Variants in SLC24A2 observed in about 807,000 individuals in gnomAD.
SLC24A2 encodes sodium/potassium/calcium exchanger 2.
Under a neutral mutation model 62.0 loss-of-function variants are expected in SLC24A2, and 36 were observed. The observed-to-expected ratio is 0.58, with a 90% CI of 0.44 to 0.77. SLC24A2 has a LOEUF of 0.77. Among genes scored for constraint, SLC24A2 ranks in the 30% least tolerant of loss-of-function variants. The pLI, the probability that SLC24A2 is intolerant of heterozygous loss-of-function variation, is 0.00. For synonymous variants in SLC24A2, 358 were observed against 294.0 expected (o/e 1.22, Z -2.23); for missense variants, 846 against 817.9 (o/e 1.03, Z -0.42).
At chr9:19,706,531 C>T (rs2118564074) in intron 2 of SLC24A2, among the ~76,000 whole-genome samples, 1 of 152,174 alleles carries the variant, frequency 6.6e-6, no homozygotes, top group Non-Finnish European at 1.5e-5. Flanking sequence ...AGGCACGCGC[C>T]ACCATGCCCG....
At chr9:19,615,840 T>C (rs917680639) in intron 4 of SLC24A2, among the ~76,000 whole-genome samples, 1 of 152,064 alleles carries the variant, frequency 6.6e-6, no homozygotes, top group Admixed American at 6.6e-5. Context: ...CTAGATTCAC[T>C]TTCCCTTATC....
the SLC24A2 span, among the ~76,000 whole-genome samples, chr9:19,920,524 G>T: frequency 6.6e-6 from 1 of 152,130 alleles, no homozygotes; most frequent in Non-Finnish European, 1.5e-5. Context: ...ACAGGGGAGG[G>T]AAGCAAACCA....
the SLC24A2 span, among the ~76,000 whole-genome samples, chr9:20,094,858 T>G: frequency 2.0e-5 from 3 of 152,298 alleles, no homozygotes; most frequent in Non-Finnish European, 4.4e-5. Context: ...TGGATTTTTC[T>G]GCAACTAAGT....
chr9:19,689,679 C>T lies in SLC24A2; in HGVS notation c.931-67380G>A, dbSNP rs575410040. ...CCATGTCCAATGTGTAAGGCCCTCA[C>T]CTGGATCTGATATTTTCTCCTGCCC... On this transcript the variant is annotated intron_variant, in intron 2 of 10. Transcript: ENST00000341998. 3.3e-5 allele frequency among the ~76,000 whole-genome samples: 5 copies of T among 152,238 alleles called. No homozygotes were observed. The South Asian group carries it at 1.0e-3, about 32-fold the overall frequency.
the SLC24A2 span, among the ~76,000 whole-genome samples, chr9:20,294,935 C>G: frequency 2.0e-5 from 3 of 151,978 alleles, no homozygotes; most frequent in African/African-American, 4.8e-5. Context: ...CTCAAATTGT[C>G]ATTTACTAAG....
the SLC24A2 span, among the ~76,000 whole-genome samples, chr9:20,086,326 G>T: frequency 1.3e-5 from 2 of 152,122 alleles, no homozygotes; most frequent in Admixed American, 1.3e-4. Flanking sequence ...CACCTGCTCA[G>T]GGCTGCTCAC....
At chr9:20,053,449 TTTTAC>T in the SLC24A2 span, among the ~76,000 whole-genome samples, 1 of 152,192 alleles carries the variant, frequency 6.6e-6, no homozygotes, top group Non-Finnish European at 1.5e-5. Flanking sequence ...ATGCTCTCTG[TTTTAC>T]TTTATTTCCT....
the SLC24A2 span, among the ~76,000 whole-genome samples, chr9:20,081,119 C>T: frequency 2.0e-5 from 3 of 152,268 alleles, no homozygotes; most frequent in African/African-American, 7.2e-5. Flanking sequence ...CCAGCCATCC[C>T]ATTACTGGGC....
At chr9:19,580,970 A>G (rs1836188229) in intron 5 of SLC24A2, among the ~76,000 whole-genome samples, 1 of 152,144 alleles carries the variant, frequency 6.6e-6, no homozygotes, top group Non-Finnish European at 1.5e-5. Flanking sequence ...GTCTTCTGTG[A>G]GAAAATATGT....
the SLC24A2 span, among the ~76,000 whole-genome samples, chr9:20,110,348 G>C: frequency 1.2e-4 from 18 of 152,072 alleles, no homozygotes; most frequent in Non-Finnish European, 2.2e-4. Context: ...AGGAATTCAA[G>C]AAAATCTGTT....
chr9:19,552,396 T>G (rs1201758320), intron 7 of SLC24A2, among the ~76,000 whole-genome samples: 2 of 152,212 alleles, frequency 1.3e-5, no homozygotes, highest in Non-Finnish European at 2.9e-5. Context: ...GATATGATCC[T>G]TCTTGTTTAA....
chr9:20,139,588 T>A, the SLC24A2 span, among the ~76,000 whole-genome samples: 1 of 152,258 alleles, frequency 6.6e-6, no homozygotes, highest in South Asian at 2.1e-4. Context: ...TCTATTCATT[T>A]ATTCCACAAA....
chr9:19,831,181 A>C, the SLC24A2 span, among the ~76,000 whole-genome samples: 1 of 152,184 alleles, frequency 6.6e-6, no homozygotes, highest in Non-Finnish European at 1.5e-5. Flanking sequence ...ATTAAGTTTC[A>C]ACATGAGTTT....
Position 19,762,791 on chromosome 9 carries a change from TGC to T in SLC24A2, c.930+23144_930+23145del, listed in dbSNP as rs1822378596. On this transcript the variant is annotated intron_variant, in intron 2 of 10. Coordinates refer to ENST00000341998, the MANE Select transcript of SLC24A2 (RefSeq NM_020344.4). ...TGCTTAGGATTGTCTTGGCTATATG[TGC>T]TTTTTTTTTTTTTTTTTTGGTTCCA... is the stretch of plus-strand genomic sequence containing the variant. Among the ~76,000 whole-genome samples, 38 of 140,394 alleles carry T rather than the reference TGC, an allele frequency of 2.7e-4. 1 individual carries two copies. The highest frequency in any genetic ancestry group is 4.0e-4 in the African/African-American group (15 of 37,662). The allele number at this position is 140,394 out of a possible 152,430, so 92.1% of individuals were successfully genotyped here. A position where few individuals can be genotyped will look rare whatever the true frequency, so the allele number is the denominator to read the frequency against.
Position 19,786,942 on chromosome 9 carries a change from T to C in SLC24A2, c.-76A>G. 1 of 1,571,122 alleles carries C rather than the reference T, an allele frequency of 6.4e-7. No individual in the cohort carries two copies. The highest frequency in any genetic ancestry group is 8.6e-7 in the Non-Finnish European group (1 of 1,166,578). ...ATGGTTCTTTCATACTTTTCCTTAC[T>C]TTATAGTTAACGATGCTTGTGGGGT... On this transcript the variant is annotated 5_prime_UTR_variant, in exon 2 of 11. Transcript: ENST00000341998. The surrounding 1 kb of genome is among the most constrained non-coding windows in gnomAD (Gnocchi z 5.0).
chr9:20,166,127 A>T, the SLC24A2 span, among the ~76,000 whole-genome samples: 1 of 151,976 alleles, frequency 6.6e-6, no homozygotes, highest in East Asian at 1.9e-4. Context: ...AGTTGACTAT[A>T]ATCTGTTGGC....
rs1289283315 is a variant in SLC24A2, at chr9:19,648,896, TC to T, written c.931-26598del. Among the ~76,000 whole-genome samples the T allele has an allele frequency of 5.1e-4, 75 of 148,282 alleles. 1 individual carries two copies. Among genetic ancestry groups the T allele is most frequent in the African/African-American group, 5.0e-4 (20 of 40,376 alleles). On this transcript the variant is annotated intron_variant, in intron 2 of 10. Coordinates refer to ENST00000341998, the MANE Select transcript of SLC24A2 (RefSeq NM_020344.4). Reference sequence around the variant, plus strand: ...AAGCTAGAATAGGGAAGGAAATGACTCAAAGTTATTTAATAAAGCTGATTTC... The same window carrying T: ...AAGCTAGAATAGGGAAGGAAATGACTAAAGTTATTTAATAAAGCTGATTTC...
chr9:20,291,063 A>G, the SLC24A2 span, among the ~76,000 whole-genome samples: 2 of 152,214 alleles, frequency 1.3e-5, no homozygotes, highest in Non-Finnish European at 2.9e-5. Context: ...AATAAACAAC[A>G]TGTACAACCA....
the SLC24A2 span, among the ~76,000 whole-genome samples, chr9:19,836,438 T>C: frequency 5.3e-5 from 8 of 152,140 alleles, no homozygotes. Flanking sequence ...CATCAGAGAA[T>C]ACTACAAACA....
Sources: gnomAD v4.1 joint callset for allele counts (sites outside exome capture counted in the v4.1 genomes callset) on GRCh38, gnomAD v4.1.1 for gene constraint, Gnocchi (gnomAD v3.1) non-coding constraint, MANE v1.5 for transcripts, NCBI Gene and HGNC (gene_info 2026-07-23, HGNC 2026-07-21) for gene names.